SPATA13: variants seen among roughly 807,000 people sequenced by gnomAD.
The protein encoded by SPATA13 is spermatogenesis-associated protein 13.
A neutral mutation model predicts 104.0 loss-of-function variants in SPATA13; 50 were observed. The ratio of observed to expected loss-of-function variants is 0.48; its 90% CI spans 0.38 to 0.61. SPATA13 has a LOEUF of 0.61. SPATA13 is among the 20% of genes least tolerant of loss of function. The pLI, the probability that SPATA13 is intolerant of heterozygous loss-of-function variation, is 0.00. For missense variants in SPATA13, 1,524 were observed against 1,690.6 expected (o/e 0.90, Z 1.73); for synonymous variants, 606 against 667.5 (o/e 0.91, Z 1.42).
chr13:24,121,992 C>A, intron 3 of SPATA13: 1 of 1,028,684 alleles, frequency 9.7e-7, no homozygotes, highest in South Asian at 1.3e-5. Context: ...TAACATGAAC[C>A]ACTTCTGGAA....
chr13:24,077,249 C>T (rs1029675480), intron 3 of SPATA13, among the ~76,000 whole-genome samples: 13 of 117,576 alleles, frequency 1.1e-4, no homozygotes, highest in African/African-American at 3.4e-4. Context: ...GGCGACAGAG[C>T]GAGACTCCAT....
chr13:24,182,976 T>C (rs552641768), intron 1 of SPATA13, among the ~76,000 whole-genome samples: 19 of 152,230 alleles, frequency 1.2e-4, no homozygotes, highest in African/African-American at 4.1e-4. Context: ...AGGGGCACCA[T>C]TGTTTTTATC....
At chr13:24,207,178 GGACACATGGTGGGGA>G in intron 1 of SPATA13, among the ~76,000 whole-genome samples, 1 of 152,268 alleles carries the variant, frequency 6.6e-6, no homozygotes, top group South Asian at 2.1e-4. Context: ...GAGAACACAT[GGACACATGGTGGGGA>G]ACAACACACG....
In SPATA13 at chr13:24,161,891, T is replaced by C. The variant is rs1194492500; in HGVS notation, c.-112+959T>C. ...CTTCGGTTTTTGCTGCCTCGTGTTT[T>C]CTTCTCTGTGAACCTTTCCTGGTCA... On this transcript the variant is annotated intron_variant, in intron 1 of 12. Transcript: ENST00000382108. This position sits in a 1 kb window ranked among gnomAD's most constrained non-coding sequence, Gnocchi z 4.5. Among the ~76,000 whole-genome samples the C allele has an allele frequency of 6.6e-6, 1 of 152,232 alleles. No homozygotes were observed. The highest frequency in any genetic ancestry group is 6.5e-5 in the Admixed American group (1 of 15,284).
rs971202808 is a variant in SPATA13, at chr13:24,305,199, A to G, written c.*2426A>G. Reference sequence around the variant, plus strand: ...AAGAAATGGTTTGCATTTTGTGGCCAGTCCTAATTTATTTTCCAGCTGAGC... The same window carrying G: ...AAGAAATGGTTTGCATTTTGTGGCCGGTCCTAATTTATTTTCCAGCTGAGC... On this transcript the variant is annotated 3_prime_UTR_variant, in exon 13 of 13. Coordinates refer to ENST00000382108, the MANE Select transcript of SPATA13 (RefSeq NM_001166271.3). 6.6e-6 allele frequency: 1 copy of G among 152,276 alleles called. No individual in the cohort carries two copies. The highest frequency in any genetic ancestry group is 1.5e-5 in the Non-Finnish European group (1 of 68,026). The allele number at this position is 152,276 out of a possible 1,614,324, so 9.4% of individuals were successfully genotyped here.
chr13:24,149,368 G>A (rs1366099653), intron 3 of SPATA13, among the ~76,000 whole-genome samples: 1 of 152,138 alleles, frequency 6.6e-6, no homozygotes, highest in African/African-American at 2.4e-5. Flanking sequence ...AGATCGTGGG[G>A]GTGAAATACG....
At chr13:24,261,989 A>C (rs1430193954) in intron 4 of SPATA13, among the ~76,000 whole-genome samples, 1 of 152,244 alleles carries the variant, frequency 6.6e-6, no homozygotes, top group African/African-American at 2.4e-5. Flanking sequence ...TATTTTGTCT[A>C]TGTATTACCA....
chr13:24,223,862 G>A lies in SPATA13; in HGVS notation c.933G>A (p.Pro311=), dbSNP rs535018665. The A allele has an allele frequency of 5.8e-6, 9 of 1,551,706 alleles. No individual in the cohort carries two copies. The highest frequency in any genetic ancestry group is 2.4e-5 in the East Asian group (1 of 40,912). Residue 311 remains proline, a synonymous_variant, in exon 2 of 13, where the codon CCG becomes CCA. Coordinates refer to ENST00000382108, the MANE Select transcript of SPATA13 (RefSeq NM_001166271.3). ...GSGRTKRWRS[P]IRAKDFDRVF... ...GAAGGACCAAACGCTGGAGGAGCCC[G>A]ATAAGGGCCAAGGACTTTGACAGAG...
intron 3 of SPATA13, among the ~76,000 whole-genome samples, chr13:24,081,592 T>C (rs1285162716): frequency 6.6e-6 from 1 of 152,158 alleles, no homozygotes; most frequent in Non-Finnish European, 1.5e-5. Flanking sequence ...AAGGATTGCT[T>C]GAGCGCAGGA....
intron 2 of SPATA13, among the ~76,000 whole-genome samples, chr13:24,238,144 T>TTC (rs1424158559): frequency 1.4e-5 from 2 of 147,324 alleles, no homozygotes; most frequent in Non-Finnish European, 3.0e-5. Flanking sequence ...TTTTTTTTTT[T>TTC]TTTTTTTTTT....
chr13:24,283,098 C>T (rs1875670878), intron 4 of SPATA13, among the ~76,000 whole-genome samples: 1 of 152,168 alleles, frequency 6.6e-6, no homozygotes. Context: ...TCGAATCAAG[C>T]CACCTGTGAT....
rs1259470597 is a variant in SPATA13 at position 24,161,195 on chromosome 13, G to A, written c.-112+263G>A. Among the ~76,000 whole-genome samples, 1 of 152,102 alleles carries A rather than the reference G, an allele frequency of 6.6e-6. No homozygotes were observed. The highest frequency in any genetic ancestry group is 1.9e-4 in the East Asian group (1 of 5,148). On this transcript the variant is annotated intron_variant, in intron 1 of 12. Transcript: ENST00000382108. This position sits in a 1 kb window ranked among gnomAD's most constrained non-coding sequence, Gnocchi z 4.5. ...TCGCTTTTGGGAGGACATGCACGTGGTGTTCTCGCAAAAGGCCGTTTCCAG... is the reference window on the plus strand; with the variant it reads ...TCGCTTTTGGGAGGACATGCACGTGATGTTCTCGCAAAAGGCCGTTTCCAG...
chr13:24,303,216 T>C lies in SPATA13; in HGVS notation c.*443T>C. On this transcript the variant is annotated 3_prime_UTR_variant, in exon 13 of 13. Coordinates refer to ENST00000382108, the MANE Select transcript of SPATA13 (RefSeq NM_001166271.3). ...TTTCAAGGATGCCGTCAAGACGGGGTTGACACAATGCTGCACGTGTCTGGT... is the reference window on the plus strand; with the variant it reads ...TTTCAAGGATGCCGTCAAGACGGGGCTGACACAATGCTGCACGTGTCTGGT... The C allele has an allele frequency of 2.4e-6, 1 of 423,356 alleles. No individual in the cohort carries two copies. The highest frequency in any genetic ancestry group is 4.7e-6 in the Non-Finnish European group (1 of 211,926). The allele number at this position is 423,356 out of a possible 1,614,324, so 26.2% of individuals were successfully genotyped here.
At chr13:24,207,143 C>A (rs981037463) in intron 1 of SPATA13, among the ~76,000 whole-genome samples, 1 of 152,154 alleles carries the variant, frequency 6.6e-6, no homozygotes, top group African/African-American at 2.4e-5. Context: ...AGCATGTTCT[C>A]ACTTGTAAGT....
At chr13:24,024,922 A>C (rs1313848775) in intron 3 of SPATA13, among the ~76,000 whole-genome samples, 1 of 149,826 alleles carries the variant, frequency 6.7e-6, no homozygotes, top group Admixed American at 6.7e-5. Flanking sequence ...AATTTTAAAA[A>C]CATTCAAATT....
chr13:24,220,312 G>C (rs1376545449), intron 1 of SPATA13, among the ~76,000 whole-genome samples: 2 of 152,090 alleles, frequency 1.3e-5, no homozygotes, highest in Non-Finnish European at 2.9e-5. Context: ...GCCCTCTGGT[G>C]GTGTCAGGAA....
chr13:24,136,915 C>T lies in SPATA13; in HGVS notation c.-111-85904C>T, dbSNP rs1184189129. Among the ~76,000 whole-genome samples the T allele has an allele frequency of 1.2e-4, 5 of 40,562 alleles. 1 individual carries two copies. The highest frequency in any genetic ancestry group is 1.3e-3 in the East Asian group (2 of 1,532). The allele number at this position is 40,562 out of a possible 152,430, so 26.6% of individuals were successfully genotyped here. A position where few individuals can be genotyped will look rare whatever the true frequency, so the allele number is the denominator to read the frequency against. Reference sequence around the variant, plus strand: ...CGGGATCTCGGCTCACTGCAAGCTCCGCCTCCCAGGTTCACGCCATTCTCC... The same window carrying T: ...CGGGATCTCGGCTCACTGCAAGCTCTGCCTCCCAGGTTCACGCCATTCTCC... On this transcript the variant is annotated intron_variant, in intron 3 of 14. Coordinates refer to the SPATA13 transcript ENST00000424834.
In SPATA13 at chr13:24,203,446, A is replaced by G. The variant is rs570051067; in HGVS notation, c.-111-19373A>G. Among the ~76,000 whole-genome samples, 6 of 152,292 alleles carry G rather than the reference A, an allele frequency of 3.9e-5. No homozygotes were observed. In the South Asian group the frequency reaches 1.2e-3, roughly 32 times the overall value. On this transcript the variant is annotated intron_variant, in intron 1 of 12. Transcript: ENST00000382108. ...AGAAAGCCTCAAAAGCGCTAGCTAC[A>G]TTTTGTAAAGTCTGTTTTTGTGACT...
intron 3 of SPATA13, among the ~76,000 whole-genome samples, chr13:24,113,573 A>G (rs1344626060): frequency 6.6e-6 from 1 of 151,588 alleles, no homozygotes; most frequent in Non-Finnish European, 1.5e-5. Context: ...ATCTTTTTAA[A>G]TGAAGCAAGA....
Sources: allele counts gnomAD v4.1 joint callset (sites outside exome capture counted in the v4.1 genomes callset), GRCh38; gene constraint gnomAD v4.1.1; non-coding constraint Gnocchi (gnomAD v3.1); transcripts MANE v1.5; gene names NCBI Gene and HGNC (gene_info 2026-07-23, HGNC 2026-07-21).